The following THADA variants were observed in gnomAD, a reference collection of about 807,000 sequenced individuals.
THADA encodes tRNA (32-2'-O)-methyltransferase regulator THADA.
Under a neutral mutation model 219.8 loss-of-function variants are expected in THADA, and 213 were observed. The observed-to-expected ratio is 0.97, with a 90% confidence interval of 0.87 to 1.09. The LOEUF (loss-of-function observed/expected upper bound fraction) is 1.09, where lower values mean the gene tolerates loss of function less well. Ranked by LOEUF, THADA falls within the 50% of genes least tolerant of loss-of-function variation. The pLI is 0.00. For synonymous variants in THADA, 1,018 were observed against 828.9 expected (o/e 1.23, Z -3.92); for missense variants, 2,956 against 2,311.3 (o/e 1.28, Z -5.72).
At chr2:43,442,981 A>G (rs1681036894) in intron 26 of THADA, among the ~76,000 whole-genome samples, 1 of 152,216 alleles carries the variant, frequency 6.6e-6, no homozygotes, top group Non-Finnish European at 1.5e-5. Context: ...CTTCCAGGAC[A>G]CATTCCCTGA....
chr2:43,358,395 T>C (rs889383375), intron 29 of THADA, among the ~76,000 whole-genome samples: 3 of 151,836 alleles, frequency 2.0e-5, no homozygotes, highest in Non-Finnish European at 2.9e-5. Flanking sequence ...GGTCTCCTCC[T>C]TTGACTTTTC....
intron 36 of THADA, among the ~76,000 whole-genome samples, chr2:43,279,355 G>C (rs1280421588): frequency 6.6e-6 from 1 of 152,084 alleles, no homozygotes; most frequent in Admixed American, 6.6e-5. Context: ...TAAAAACTCA[G>C]GAACAAAATG....
At chr2:43,544,747 G>C (rs1277807380) in intron 20 of THADA, among the ~76,000 whole-genome samples, 2 of 151,696 alleles carry the variant, frequency 1.3e-5, no homozygotes, top group Admixed American at 6.6e-5. Flanking sequence ...CTTTGCTGAA[G>C]TTGCTTATCA....
At position 43,577,154 on chromosome 2, in the gene THADA, A is replaced by G. The variant is rs1416806982; in HGVS notation, c.905T>C (p.Ile302Thr). Residue 302 changes from isoleucine to threonine, a missense_variant, in exon 10 of 38, where the codon ATC (isoleucine) becomes ACC (threonine). Coordinates refer to ENST00000405975, the MANE Select transcript of THADA (RefSeq NM_022065.5). ...SSCRSLCCGDISQSAVLFLCQ... is the reference protein window; with the variant it reads ...SSCRSLCCGDTSQSAVLFLCQ... ...GAGGAATAAGACAGCTGACTGAGAG[A>G]TGTCACCACAACAGAGGCTCCTGCA... The G allele has an allele frequency of 6.2e-7, 1 of 1,610,800 alleles. No homozygotes were observed. The highest frequency in any genetic ancestry group is 2.2e-5 in the East Asian group (1 of 44,836).
intron 25 of THADA, among the ~76,000 whole-genome samples, chr2:43,492,855 G>T (rs1331972917): frequency 6.6e-6 from 1 of 152,162 alleles, no homozygotes; most frequent in Non-Finnish European, 1.5e-5. Flanking sequence ...CCTATGAGCA[G>T]ACAAAAGAAG....
chr2:43,344,723 G>C (rs979937652), intron 29 of THADA, among the ~76,000 whole-genome samples: 1 of 151,828 alleles, frequency 6.6e-6, no homozygotes, highest in Admixed American at 6.6e-5. Flanking sequence ...TCTTGCCTTA[G>C]CAAATACTGG....
intron 36 of THADA, among the ~76,000 whole-genome samples, chr2:43,245,232 G>C (rs1669025042): frequency 7.0e-6 from 1 of 142,578 alleles, no homozygotes; most frequent in Non-Finnish European, 1.5e-5. Flanking sequence ...GAGTGCAGTG[G>C]TGTGATCTCG....
chr2:43,302,453 C>A (rs146772591), intron 31 of THADA, among the ~76,000 whole-genome samples: 43 of 141,272 alleles, frequency 3.0e-4, no homozygotes, highest in Middle Eastern at 7.5e-3. Context: ...TTGGAATTAA[C>A]TTTTTTTTTT....
In THADA at chr2:43,592,406, A is replaced by T. The variant is rs761106937; in HGVS notation, c.-14T>A. ...CTTTACACCCATTTTAAATAGAATTAATAGTAGTCACTGCAAGAAAGAAGA... is the reference window on the plus strand; with the variant it reads ...CTTTACACCCATTTTAAATAGAATTTATAGTAGTCACTGCAAGAAAGAAGA... On this transcript the variant is annotated 5_prime_UTR_variant, in exon 2 of 38. Coordinates refer to ENST00000405975, the MANE Select transcript of THADA (RefSeq NM_022065.5). The T allele has an allele frequency of 6.4e-7, 1 of 1,563,346 alleles. No individual in the cohort carries two copies. Among genetic ancestry groups the T allele is most frequent in the South Asian group, 1.2e-5 (1 of 86,100 alleles).
rs1559027786 is a variant in THADA at position 43,585,581 on chromosome 2, A to AGATAGAT, written c.533+819_533+820insATCTATC. 8.3e-5 allele frequency among the ~76,000 whole-genome samples: 12 copies of AGATAGAT among 144,418 alleles called. 1 individual carries two copies. In the East Asian group the frequency reaches 2.2e-3, roughly 27 times the overall value. 94.7% of individuals were successfully genotyped at this position (144,418 alleles called of 152,430 possible). A position where few individuals can be genotyped will look rare whatever the true frequency, so the allele number is the denominator to read the frequency against. On this transcript the variant is annotated intron_variant, in intron 7 of 37. Transcript: ENST00000405975. ...ATAGATAGATAGATAGATAGATAGAAAGAAATACATAATTGCCCAGCCAAG... is the reference window on the plus strand; with the variant it reads ...ATAGATAGATAGATAGATAGATAGAAGATAGATAGAAATACATAATTGCCCAGCCAAG...
At chr2:43,240,289 G>C (rs1051023224) in intron 36 of THADA, among the ~76,000 whole-genome samples, 1 of 152,212 alleles carries the variant, frequency 6.6e-6, no homozygotes, top group Admixed American at 6.5e-5. Flanking sequence ...GCGTCTGACG[G>C]AGTGAGTGTT....
intron 15 of THADA, among the ~76,000 whole-genome samples, chr2:43,561,185 A>C (rs1574265012): frequency 2.0e-5 from 3 of 152,184 alleles, no homozygotes; most frequent in Admixed American, 2.0e-4. Flanking sequence ...AATGGAAAAA[A>C]TTAGACTGGC....
chr2:43,413,638 T>A (rs1458450032), intron 28 of THADA, among the ~76,000 whole-genome samples: 2 of 152,202 alleles, frequency 1.3e-5, no homozygotes, highest in African/African-American at 4.8e-5. Context: ...GGTTCATTTG[T>A]AGAAAGAGAG....
chr2:43,353,620 C>T (rs1668537084), intron 29 of THADA, among the ~76,000 whole-genome samples: 1 of 152,048 alleles, frequency 6.6e-6, no homozygotes, highest in Non-Finnish European at 1.5e-5. Context: ...CTTGCAAATA[C>T]TTTTTCCCAA....
intron 24 of THADA, among the ~76,000 whole-genome samples, chr2:43,503,906 A>T (rs1483014123): frequency 1.3e-5 from 2 of 152,194 alleles, no homozygotes; most frequent in African/African-American, 4.8e-5. Flanking sequence ...AAAATAGCAC[A>T]GGTAGAGCAT....
intron 20 of THADA, among the ~76,000 whole-genome samples, chr2:43,541,710 A>C (rs536539252): frequency 1.1e-4 from 17 of 152,092 alleles, no homozygotes; most frequent in Non-Finnish European, 2.5e-4. Flanking sequence ...GGGTTTCACC[A>C]CATCACCTCC....
intron 36 of THADA, among the ~76,000 whole-genome samples, chr2:43,249,360 T>C (rs971537306): frequency 3.9e-5 from 6 of 152,206 alleles, no homozygotes; most frequent in Non-Finnish European, 8.8e-5. Context: ...AATGTGGGGT[T>C]ACAGGTGTGA....
chr2:43,344,185 T>A lies in THADA; in HGVS notation c.4280A>T (p.Asp1427Val). 1 of 1,612,822 alleles carries A rather than the reference T, an allele frequency of 6.2e-7. No individual in the cohort carries two copies. The highest frequency in any genetic ancestry group is 2.2e-5 in the East Asian group (1 of 44,874). ...YSDSKHGTNS[D>V]FQHELTDITV... ...GATGTCAGTCAGCTCGTGCTGGAAGTCTGAATTCGTTCCGTGTTTGGAGTC... is the reference window on the plus strand; with the variant it reads ...GATGTCAGTCAGCTCGTGCTGGAAGACTGAATTCGTTCCGTGTTTGGAGTC... The change falls in exon 30 of 38, where the codon GAC (aspartate) becomes GTC (valine). Residue 1427 changes from aspartate (D) to valine (V), a missense_variant. By Grantham distance (152) the Asp-to-Val change is radical. Coordinates refer to ENST00000405975, the MANE Select transcript of THADA (RefSeq NM_022065.5).
chr2:43,433,348 G>A (rs1025720852), intron 26 of THADA, among the ~76,000 whole-genome samples: 13 of 152,088 alleles, frequency 8.5e-5, no homozygotes, highest in South Asian at 2.1e-4. Flanking sequence ...TGACCAACAC[G>A]GAGAAACTGT....
Sources: gnomAD v4.1 joint callset for allele counts (sites outside exome capture counted in the v4.1 genomes callset) on GRCh38, gnomAD v4.1.1 for gene constraint, MANE v1.5 for transcripts, NCBI Gene and HGNC (gene_info 2026-07-23, HGNC 2026-07-21) for gene names.